The following MGAM variants were observed in gnomAD, a reference collection of about 807,000 sequenced individuals.
The protein encoded by MGAM is alpha-1,4-glucosidase.
A neutral mutation model predicts 358.8 loss-of-function variants in MGAM; 253 were observed. That is an observed-to-expected ratio of 0.71 (90% confidence interval 0.64 to 0.78). The LOEUF (loss-of-function observed/expected upper bound fraction) is 0.78. Among genes scored for constraint, MGAM ranks in the 30% least tolerant of loss-of-function variants. MGAM has a pLI of 0.00. For missense variants in MGAM, 3,080 were observed against 3,432.6 expected, an observed-to-expected ratio of 0.90 and a Z score of 2.57; for synonymous variants, 1,105 against 1,227.1, an observed-to-expected ratio of 0.90 and a Z score of 2.08.
At position 142,105,934 on chromosome 7, in the gene MGAM, A is replaced by G. The variant is rs753359389; in HGVS notation, c.*43A>G. ...CTAACTAACTATGAATGACTTTGAA[A>G]CTACTTATACTTCATACTCATAAAA... On this transcript the variant is annotated 3_prime_UTR_variant, in exon 71 of 71. Transcript: ENST00000475668. 7.2e-7 allele frequency: 1 copy of G among 1,383,738 alleles called. No individual in the cohort carries two copies. Among genetic ancestry groups the G allele is most frequent in the Admixed American group, 1.7e-5 (1 of 59,344 alleles). The allele number at this position is 1,383,738 out of a possible 1,614,324, so 85.7% of individuals were successfully genotyped here.
intron 1 of MGAM, among the ~76,000 whole-genome samples, chr7:141,996,501 T>C (rs1196121218): frequency 2.0e-5 from 3 of 152,196 alleles, no homozygotes; most frequent in Non-Finnish European, 4.4e-5. Context: ...TGTGTGTTTC[T>C]GTGTGAGGTG....
At chr7:142,048,193 C>T (rs1810580094) in intron 22 of MGAM, among the ~76,000 whole-genome samples, 1 of 151,054 alleles carries the variant, frequency 6.6e-6, no homozygotes, top group South Asian at 2.1e-4. Context: ...GCTCTTGTTG[C>T]CCAGGCTGGA....
rs58194410 is a variant in MGAM, at chr7:142,048,115, T to TTTTATTTA, written c.2587+289_2587+296dup. On this transcript the variant is annotated intron_variant, in intron 22 of 70. Transcript: ENST00000475668. ...TGGACAGTGATATCTATAATAGGCT[T>TTTTATTTA]TTTATTTATTTATTTATTTATTTAT... 3.0e-3 allele frequency among the ~76,000 whole-genome samples: 306 copies of TTTTATTTA among 102,516 alleles called. 3 individuals carry two copies. Among genetic ancestry groups the TTTTATTTA allele is most frequent in the African/African-American group, 8.7e-3 (292 of 33,414 alleles). The allele number at this position is 102,516 out of a possible 152,430, so 67.3% of individuals were successfully genotyped here. A position where few individuals can be genotyped will look rare whatever the true frequency, so the allele number is the denominator to read the frequency against.
chr7:142,086,829 A>G lies in MGAM; in HGVS notation c.6810+112A>G. 2 of 504,210 alleles carry G rather than the reference A, an allele frequency of 4.0e-6. 1 individual carries two copies. The highest frequency in any genetic ancestry group is 6.5e-6 in the Non-Finnish European group (2 of 306,184). The allele number at this position is 504,210 out of a possible 1,614,324, so 31.2% of individuals were successfully genotyped here. ...GACATGGGCTTGGCAAGGGAGAAAC[A>G]CTTAGGGCATGTGTGTTGGATGTCA... On this transcript the variant is annotated intron_variant, in intron 57 of 70. Coordinates refer to ENST00000475668, the MANE Select transcript of MGAM (RefSeq NM_001365693.1).
intron 55 of MGAM, 90 bp from the exon 56 acceptor site, chr7:142,086,128 C>G (rs1282651681): frequency 1.4e-6 from 2 of 1,420,712 alleles, no homozygotes; most frequent in Non-Finnish European, 1.9e-6. Context: ...TAGAAGCCAA[C>G]AAGTTCGCCC....
chr7:142,064,493 T>C lies in MGAM; in HGVS notation c.4455T>C (p.Tyr1485=), dbSNP rs3087320. Residue 1485 remains tyrosine, a synonymous_variant, in exon 37 of 71, where the codon TAT becomes TAC. Transcript: ENST00000475668. ...LVQHYNVHNL[Y]GWSQTRPTYE... Reference sequence around the variant, plus strand: ...AGCACTACAACGTGCACAACCTGTATGGGTGGTCCCAGACCAGACCCACAT... The same window carrying C: ...AGCACTACAACGTGCACAACCTGTACGGGTGGTCCCAGACCAGACCCACAT... The C allele has an allele frequency of 1.3e-3, 1,987 of 1,580,212 alleles. 22 individuals carry two copies. In the African/African-American group the frequency reaches 0.021, roughly 17 times the overall value.
intron 4 of MGAM, 140 bp downstream of exon 4, chr7:142,019,459 G>A (rs879953178): frequency 1.7e-5 from 16 of 914,898 alleles, no homozygotes; most frequent in Non-Finnish European, 2.3e-5. Flanking sequence ...GCTCTTAATC[G>A]AGGACTAGAA....
At position 142,073,334 on chromosome 7, in the gene MGAM, A is replaced by G. The variant is rs1432615916; in HGVS notation, c.5187-751A>G. 1.4e-5 allele frequency among the ~76,000 whole-genome samples: 2 copies of G among 146,202 alleles called. 1 individual carries two copies. Among genetic ancestry groups the G allele is most frequent in the African/African-American group, 4.9e-5 (2 of 41,106 alleles). ...GGAAACTAACTCTCTTGCATAGTGA[A>G]AGGCTGAACTGTGGAAGAATACAGT... On this transcript the variant is annotated intron_variant, in intron 44 of 70. Transcript: ENST00000475668.
Position 142,071,063 on chromosome 7 carries a change from G to C in MGAM, c.5131G>C (p.Val1711Leu). 6.4e-7 allele frequency: 1 copy of C among 1,556,458 alleles called. No homozygotes were observed. Among genetic ancestry groups the C allele is most frequent in the African/African-American group, 1.3e-5 (1 of 74,676 alleles). The change falls in exon 44 of 71, where the codon GTC becomes CTC. Residue 1711 changes from valine (V) to leucine (L), a missense_variant. Val to Leu is a conservative substitution (Grantham distance 32). Coordinates refer to ENST00000475668, the MANE Select transcript of MGAM (RefSeq NM_001365693.1). ...PAPLDHINLH[V>L]RGGYILPWQE... ...CCCTCTTGACCACATTAATCTTCAT[G>C]TCCGTGGGGGCTACATCCTGCCCTG...
chr7:142,035,417 C>T (rs1199696016), intron 16 of MGAM, among the ~76,000 whole-genome samples: 5 of 152,082 alleles, frequency 3.3e-5, no homozygotes, highest in African/African-American at 4.8e-5. Flanking sequence ...AAAAGACCAA[C>T]AGGGACGTAT....
intron 26 of MGAM, among the ~76,000 whole-genome samples, 162 bp from the exon 27 acceptor site, chr7:142,054,592 A>C (rs561225935): frequency 6.6e-6 from 1 of 152,202 alleles, no homozygotes; most frequent in East Asian, 1.9e-4. Context: ...GAAAAATGTT[A>C]AATGTGACAT....
At chr7:142,102,355 G>C (rs192409606) in intron 68 of MGAM, among the ~76,000 whole-genome samples, 56 of 152,324 alleles carry the variant, frequency 3.7e-4, no homozygotes, top group Middle Eastern at 6.8e-3. Flanking sequence ...TCAGGAAACT[G>C]TGTTATATGA....
At chr7:142,052,167 A>C in intron 24 of MGAM, 127 bp from the exon 25 acceptor site, 1 of 791,952 alleles carries the variant, frequency 1.3e-6, no homozygotes, top group South Asian at 1.9e-5. Flanking sequence ...AGCTAAAGTC[A>C]TATGTTGCTT....
At chr7:142,036,501 G>A (rs189703489) in intron 17 of MGAM, among the ~76,000 whole-genome samples, 5 of 152,272 alleles carry the variant, frequency 3.3e-5, no homozygotes, top group Admixed American at 2.0e-4. Context: ...CAAGGAAATG[G>A]TGTGTCTGTA....
rs1244435337 is a variant in MGAM at position 142,079,531 on chromosome 7, A to G, written c.5847+523A>G. Reference sequence around the variant, plus strand: ...TGTAAGATGATATGTTCAGTTTGGGATACTGAATTTGAGATACGTATAAAA... The same window carrying G: ...TGTAAGATGATATGTTCAGTTTGGGGTACTGAATTTGAGATACGTATAAAA... On this transcript the variant is annotated intron_variant, in intron 49 of 70. Transcript: ENST00000475668. 1.4e-5 allele frequency among the ~76,000 whole-genome samples: 2 copies of G among 145,942 alleles called. 1 individual carries two copies. Among genetic ancestry groups the G allele is most frequent in the Non-Finnish European group, 3.1e-5 (2 of 64,456 alleles).
intron 57 of MGAM, among the ~76,000 whole-genome samples, chr7:142,088,308 A>G (rs941714444): frequency 2.1e-5 from 3 of 146,082 alleles, no homozygotes; most frequent in South Asian, 2.2e-4. Context: ...AACAAAACAA[A>G]CAAAACAGAA....
chr7:142,104,200 C>T (rs1816664211), intron 70 of MGAM, among the ~76,000 whole-genome samples: 1 of 151,982 alleles, frequency 6.6e-6, no homozygotes, highest in African/African-American at 2.4e-5. Context: ...CTTCTTTAGC[C>T]ATAAAGTTTT....
intron 3 of MGAM, among the ~76,000 whole-genome samples, chr7:142,016,776 A>G (rs539486075): frequency 4.7e-4 from 72 of 152,238 alleles, no homozygotes; most frequent in African/African-American, 1.7e-3. Flanking sequence ...TATTTTTAGT[A>G]GAGACGGGGT....
At chr7:142,095,800 A>AATCATGTCTTTAATT in intron 64 of MGAM, 87 bp downstream of exon 64, 1 of 1,566,040 alleles carries the variant, frequency 6.4e-7, no homozygotes, top group Non-Finnish European at 8.7e-7. Flanking sequence ...AATTAAAGAC[A>AATCATGTCTTTAATT]TGATTGCCTT....
Sources: allele counts gnomAD v4.1 joint callset (sites outside exome capture counted in the v4.1 genomes callset), GRCh38; gene constraint gnomAD v4.1.1; transcripts MANE v1.5; gene names NCBI Gene and HGNC (gene_info 2026-07-23, HGNC 2026-07-21).